Variants in CSMD1 observed in about 807,000 individuals in gnomAD.
CSMD1 encodes the protein CUB and Sushi multiple domains 1, also known as CUB and sushi domain-containing protein 1.
CSMD1 carries 213 observed loss-of-function variants against 417.5 expected under a neutral mutation model. That is an observed-to-expected ratio of 0.51 (90% confidence interval 0.46 to 0.57). The LOEUF (loss-of-function observed/expected upper bound fraction) is 0.57. Among genes scored for constraint, CSMD1 ranks in the 20% least tolerant of loss-of-function variants. CSMD1 has a pLI of 0.00. For synonymous variants in CSMD1, 2,862 were observed against 1,736.8 expected (o/e 1.65, Z -16.11); for missense variants, 6,923 against 4,529.7 (o/e 1.53, Z -15.17).
intron 5 of CSMD1, among the ~76,000 whole-genome samples, chr8:3,775,349 C>G (rs1424315452): frequency 6.6e-6 from 1 of 152,160 alleles, no homozygotes; most frequent in African/African-American, 2.4e-5. Flanking sequence ...GCCTTCACCT[C>G]TGAACCATCT....
intron 1 of CSMD1, among the ~76,000 whole-genome samples, chr8:4,881,196 G>A (rs1285001464): frequency 2.0e-5 from 3 of 152,066 alleles, no homozygotes; most frequent in Non-Finnish European, 4.4e-5. Context: ...TGTGCTATGT[G>A]AAAAATAAAT....
At chr8:4,176,596 G>C (rs983613756) in intron 3 of CSMD1, among the ~76,000 whole-genome samples, 4 of 127,382 alleles carry the variant, frequency 3.1e-5, no homozygotes, top group Non-Finnish European at 6.6e-5. Flanking sequence ...AAGGGACATA[G>C]GAGTAGGAAA....
At chr8:3,653,621 T>A (rs1397814297) in intron 7 of CSMD1, among the ~76,000 whole-genome samples, 1 of 152,118 alleles carries the variant, frequency 6.6e-6, no homozygotes, top group Admixed American at 6.6e-5. Context: ...TTATGGGGAT[T>A]CTAAATCATT....
At position 4,023,393 on chromosome 8, in the gene CSMD1, A is replaced by T. The variant is rs2740927; in HGVS notation, c.610+8512T>A. 3.5e-3 allele frequency among the ~76,000 whole-genome samples: 528 copies of T among 152,172 alleles called. 3 individuals carry two copies. Among genetic ancestry groups the T allele is most frequent in the Non-Finnish European group, 6.1e-3 (414 of 67,986 alleles). ...CAATGCCCTGGTCCAAATGTGAAACAAAAGTAATTCCAATTTCATTATGAA... is the reference window on the plus strand; with the variant it reads ...CAATGCCCTGGTCCAAATGTGAAACTAAAGTAATTCCAATTTCATTATGAA... On this transcript the variant is annotated intron_variant, in intron 4 of 69. Transcript: ENST00000635120.
chr8:3,138,502 G>C lies in CSMD1; in HGVS notation c.6241+3963C>G, dbSNP rs1818240041. Among the ~76,000 whole-genome samples, 3 of 152,206 alleles carry C rather than the reference G, an allele frequency of 2.0e-5. No individual in the cohort carries two copies. In the South Asian group the frequency reaches 6.2e-4, roughly 31 times the overall value. On this transcript the variant is annotated intron_variant, in intron 41 of 69. Transcript: ENST00000635120. ...AAGTAGAGAGAATGGGAGAGATTTG[G>C]TGGGAATGCTCGTGACCAGCACACA... is the stretch of plus-strand genomic sequence containing the variant.
intron 28 of CSMD1, among the ~76,000 whole-genome samples, chr8:3,223,188 T>G (rs1350789332): frequency 6.6e-6 from 1 of 152,230 alleles, no homozygotes; most frequent in Admixed American, 6.5e-5. Context: ...TATTAGACCT[T>G]CCATCGTCTA....
chr8:3,273,689 A>T (rs1044867875), intron 26 of CSMD1, among the ~76,000 whole-genome samples: 2 of 152,016 alleles, frequency 1.3e-5, no homozygotes, highest in Non-Finnish European at 2.9e-5. Context: ...GAATTTATCC[A>T]TTTCTTCTAG....
chr8:3,919,565 T>C (rs1165365895), intron 5 of CSMD1, among the ~76,000 whole-genome samples: 1 of 152,146 alleles, frequency 6.6e-6, no homozygotes, highest in Non-Finnish European at 1.5e-5. Context: ...TATCAGGACA[T>C]GTGATGCCTT....
At chr8:4,911,863 C>T (rs761603275) in intron 1 of CSMD1, among the ~76,000 whole-genome samples, 2 of 151,882 alleles carry the variant, frequency 1.3e-5, no homozygotes, top group African/African-American at 4.8e-5. Context: ...TTTGACAATT[C>T]CTCTCTGAGG....
intron 1 of CSMD1, among the ~76,000 whole-genome samples, chr8:4,860,457 T>C (rs1802064117): frequency 6.6e-6 from 1 of 151,812 alleles, no homozygotes; most frequent in Admixed American, 6.6e-5. Context: ...CTCTTGGCCC[T>C]GCTCTCGCCA....
chr8:4,360,054 C>A (rs1288773511), intron 3 of CSMD1, among the ~76,000 whole-genome samples: 1 of 152,178 alleles, frequency 6.6e-6, no homozygotes, highest in East Asian at 1.9e-4. Flanking sequence ...TACAGTTCCT[C>A]TCGTCTCTGA....
At chr8:3,990,858 C>T (rs934778788) in intron 5 of CSMD1, among the ~76,000 whole-genome samples, 1 of 152,128 alleles carries the variant, frequency 6.6e-6, no homozygotes, top group Non-Finnish European at 1.5e-5. Flanking sequence ...GCAGCTGCCC[C>T]TTCACAGAGA....
chr8:4,915,508 T>C (rs377163765), intron 1 of CSMD1, among the ~76,000 whole-genome samples: 1 of 152,202 alleles, frequency 6.6e-6, no homozygotes, highest in African/African-American at 2.4e-5. Flanking sequence ...TGGGTTTCCA[T>C]ACAAAAAGCA....
At chr8:4,021,733 A>G (rs1585147800) in intron 4 of CSMD1, among the ~76,000 whole-genome samples, 1 of 152,002 alleles carries the variant, frequency 6.6e-6, no homozygotes, top group African/African-American at 2.4e-5. Context: ...ATATCCCTTT[A>G]CCTATCCCCG....
chr8:3,538,507 C>T (rs1445223623), intron 10 of CSMD1, among the ~76,000 whole-genome samples: 1 of 152,198 alleles, frequency 6.6e-6, no homozygotes, highest in East Asian at 1.9e-4. Context: ...CGATGCCTCA[C>T]CTGAGATGCC....
At chr8:4,482,539 A>G (rs1039409664) in intron 2 of CSMD1, among the ~76,000 whole-genome samples, 3 of 152,230 alleles carry the variant, frequency 2.0e-5, no homozygotes, top group Admixed American at 2.0e-4. Flanking sequence ...TATTGTGAAT[A>G]GTGTTGCAAT....
intron 3 of CSMD1, among the ~76,000 whole-genome samples, chr8:4,286,396 C>G (rs1457729755): frequency 1.3e-5 from 2 of 152,110 alleles, no homozygotes; most frequent in Non-Finnish European, 1.5e-5. Flanking sequence ...TCACCAAGGG[C>G]TTCAGTTAAC....
intron 3 of CSMD1, among the ~76,000 whole-genome samples, chr8:4,158,326 T>G (rs1796952266): frequency 6.6e-6 from 1 of 152,024 alleles, no homozygotes; most frequent in Non-Finnish European, 1.5e-5. Context: ...TGCAATCATC[T>G]CTACTGCAAA....
At chr8:4,397,345 C>A (rs760099130) in intron 3 of CSMD1, among the ~76,000 whole-genome samples, 1 of 151,888 alleles carries the variant, frequency 6.6e-6, no homozygotes, top group African/African-American at 2.4e-5. Flanking sequence ...ATTATCTTTC[C>A]ATGAAAGAGG....
Sources: allele counts gnomAD v4.1 joint callset (sites outside exome capture counted in the v4.1 genomes callset), GRCh38; gene constraint gnomAD v4.1.1; transcripts MANE v1.5; gene names NCBI Gene and HGNC (gene_info 2026-07-23, HGNC 2026-07-21).